CTNND2: variants seen among roughly 807,000 people sequenced by gnomAD.
The protein encoded by CTNND2 is catenin delta-2.
CTNND2 carries 22 observed loss-of-function variants against 144.4 expected under a neutral mutation model. The ratio of observed to expected loss-of-function variants is 0.15; its 90% CI spans 0.11 to 0.22. The LOEUF is 0.22. Among genes scored for constraint, CTNND2 ranks in the 10% least tolerant of loss-of-function variants. The pLI is 1.00. For synonymous variants in CTNND2, 751 were observed against 695.6 expected, an observed-to-expected ratio of 1.08 and a Z score of -1.25; for missense variants, 1,353 against 1,618.8, an observed-to-expected ratio of 0.84 and a Z score of 2.82.
chr5:11,050,223 C>T lies in CTNND2; in HGVS notation c.2789-27244G>A, dbSNP rs530750602. ...CTATTGGTCCCTAGGCCTTGAGACC[C>T]AGAGTCAATAACACCTTCCCTACAA... On this transcript the variant is annotated intron_variant, in intron 16 of 21. Coordinates refer to ENST00000304623, the MANE Select transcript of CTNND2 (RefSeq NM_001332.4). 5.6e-4 allele frequency among the ~76,000 whole-genome samples: 86 copies of T among 152,268 alleles called. 1 individual carries two copies. The highest frequency in any genetic ancestry group is 1.9e-3 in the African/African-American group (81 of 41,548).
intron 9 of CTNND2, among the ~76,000 whole-genome samples, chr5:11,239,135 G>A (rs765265487): frequency 1.3e-5 from 2 of 152,248 alleles, no homozygotes; most frequent in Non-Finnish European, 2.9e-5. Flanking sequence ...ATTAATAAAG[G>A]ATTCATTTTA....
intron 2 of CTNND2, among the ~76,000 whole-genome samples, chr5:11,585,935 G>T (rs1365308398): frequency 6.6e-6 from 1 of 152,114 alleles, no homozygotes; most frequent in Non-Finnish European, 1.5e-5. Flanking sequence ...TAGGAGAGGT[G>T]AGGAGTTTCC....
chr5:11,240,549 AAC>A lies in CTNND2; in HGVS notation c.1629-3728_1629-3727del, dbSNP rs141274112. On this transcript the variant is annotated intron_variant, in intron 9 of 21. Coordinates refer to ENST00000304623, the MANE Select transcript of CTNND2 (RefSeq NM_001332.4). The stretch of plus-strand genomic sequence containing the variant: ...ACACACACACCCAACACACACACCC[AAC>A]ACACACACTCAAAACACACACCCAA... Among the ~76,000 whole-genome samples the A allele has an allele frequency of 7.6e-5, 8 of 104,824 alleles. 1 individual carries two copies. The highest frequency in any genetic ancestry group is 3.3e-4 in the East Asian group (1 of 2,992). The allele number at this position is 104,824 out of a possible 152,430, so 68.8% of individuals were successfully genotyped here. A position where few individuals can be genotyped will look rare whatever the true frequency, so the allele number is the denominator to read the frequency against.
At chr5:11,264,458 T>C (rs1165052572) in intron 9 of CTNND2, among the ~76,000 whole-genome samples, 1 of 152,174 alleles carries the variant, frequency 6.6e-6, no homozygotes, top group Non-Finnish European at 1.5e-5. Context: ...GATAATGGTT[T>C]TACTGGGTTC....
intron 1 of CTNND2, among the ~76,000 whole-genome samples, chr5:11,804,555 T>C (rs115239598): frequency 0.017 from 2,657 of 152,196 alleles, 72 homozygotes; most frequent in African/African-American, 0.061. Flanking sequence ...TGAAAAGACA[T>C]GGCTTAAACC....
At chr5:11,781,932 T>A (rs186390850) in intron 1 of CTNND2, among the ~76,000 whole-genome samples, 2 of 152,350 alleles carry the variant, frequency 1.3e-5, no homozygotes, top group Admixed American at 6.5e-5. Context: ...CTAAAAAATA[T>A]ATTGACACCT....
Position 11,197,878 on chromosome 5 carries a change from A to G in CTNND2, c.1975+1570T>C, listed in dbSNP as rs559783763. Among the ~76,000 whole-genome samples the G allele has an allele frequency of 2.6e-5, 4 of 152,334 alleles. No homozygotes were observed. The South Asian group carries it at 8.3e-4, about 32-fold the overall frequency. ...CACAACAGAGGGGTTCTTCTACACA[A>G]TGAATTTTGTATTGGAGCAAATTCA... On this transcript the variant is annotated intron_variant, in intron 11 of 21. Coordinates refer to ENST00000304623, the MANE Select transcript of CTNND2 (RefSeq NM_001332.4).
intron 10 of CTNND2, among the ~76,000 whole-genome samples, chr5:11,226,266 G>A (rs894922900): frequency 9.9e-5 from 15 of 152,126 alleles, no homozygotes; most frequent in African/African-American, 2.9e-4. Context: ...GCTCTGCTCC[G>A]AGGCTACTTC....
chr5:11,363,692 T>C (rs1372395814), intron 8 of CTNND2, among the ~76,000 whole-genome samples: 1 of 152,242 alleles, frequency 6.6e-6, no homozygotes, highest in Non-Finnish European at 1.5e-5. Context: ...TAAAAGCAGC[T>C]TGGCTTGCCT....
At chr5:11,342,113 C>T (rs966949173) in intron 9 of CTNND2, among the ~76,000 whole-genome samples, 3 of 151,960 alleles carry the variant, frequency 2.0e-5, no homozygotes, top group South Asian at 2.1e-4. Flanking sequence ...TGTGCACATG[C>T]GTCGTGAACA....
At chr5:11,424,341 G>A (rs1230761009) in intron 3 of CTNND2, among the ~76,000 whole-genome samples, 2 of 152,174 alleles carry the variant, frequency 1.3e-5, no homozygotes, top group Admixed American at 1.3e-4. Flanking sequence ...AAGGAGGTGT[G>A]TGGCTAAAAA....
intron 3 of CTNND2, among the ~76,000 whole-genome samples, chr5:11,477,028 C>A (rs150107586): frequency 1.2e-3 from 180 of 152,286 alleles, no homozygotes; most frequent in African/African-American, 4.3e-3. Context: ...AAATAATAGG[C>A]TCTCAGTCAC....
chr5:11,647,926 T>C (rs1423082710), intron 2 of CTNND2, among the ~76,000 whole-genome samples: 1 of 152,188 alleles, frequency 6.6e-6, no homozygotes, highest in African/African-American at 2.4e-5. Flanking sequence ...ATAGTCATGT[T>C]CACGGACAGA....
In CTNND2 at chr5:11,330,064, C is replaced by T. The variant is rs565638802; in HGVS notation, c.1628+16308G>A. On this transcript the variant is annotated intron_variant, in intron 9 of 21. Transcript: ENST00000304623. The stretch of plus-strand genomic sequence containing the variant: ...GCAGACAGTATGGGCCTGAATGATA[C>T]ACACATCACATGTGGATGTACATAA... Among the ~76,000 whole-genome samples the T allele has an allele frequency of 2.0e-4, 30 of 152,262 alleles. 1 individual carries two copies. In the South Asian group the frequency reaches 6.0e-3, roughly 31 times the overall value.
chr5:11,487,438 A>G (rs1402706619), intron 3 of CTNND2, among the ~76,000 whole-genome samples: 1 of 152,108 alleles, frequency 6.6e-6, no homozygotes, highest in Non-Finnish European at 1.5e-5. Context: ...ACCCTAGTAG[A>G]GTTTACGTCT....
intron 21 of CTNND2, among the ~76,000 whole-genome samples, chr5:10,974,137 T>C (rs1261460999): frequency 6.6e-6 from 1 of 152,208 alleles, no homozygotes; most frequent in Non-Finnish European, 1.5e-5. Flanking sequence ...CAAGCACCAT[T>C]CTACTTTCTG....
chr5:11,269,232 C>T (rs1745759094), intron 9 of CTNND2, among the ~76,000 whole-genome samples: 1 of 152,204 alleles, frequency 6.6e-6, no homozygotes, highest in Admixed American at 6.5e-5. Context: ...AGGCAGTGCG[C>T]TTTGAACAGC....
intron 10 of CTNND2, among the ~76,000 whole-genome samples, chr5:11,208,981 G>GA (rs1738341484): frequency 6.6e-6 from 1 of 151,968 alleles, no homozygotes; most frequent in Non-Finnish European, 1.5e-5. Context: ...TTGAGTCTTT[G>GA]AATAAATTCT....
intron 15 of CTNND2, among the ~76,000 whole-genome samples, chr5:11,094,876 T>C (rs1244736360): frequency 1.3e-5 from 2 of 152,214 alleles, no homozygotes; most frequent in African/African-American, 4.8e-5. Context: ...ACTTTGGCTA[T>C]TCTAGACCTT....
Sources: gnomAD v4.1 joint callset for allele counts (sites outside exome capture counted in the v4.1 genomes callset) on GRCh38, gnomAD v4.1.1 for gene constraint, MANE v1.5 for transcripts, NCBI Gene and HGNC (gene_info 2026-07-23, HGNC 2026-07-21) for gene names.